Variants in KAT14 observed in about 807,000 individuals in gnomAD.
KAT14 encodes the protein lysine acetyltransferase 14.
KAT14 carries 66 observed loss-of-function variants against 78.4 expected under a neutral mutation model. The observed-to-expected ratio is 0.84, with a 90% CI of 0.69 to 1.03. The LOEUF (loss-of-function observed/expected upper bound fraction) is 1.03. KAT14 is among the 50% of genes least tolerant of loss of function. The pLI is 0.00. For synonymous variants in KAT14, 344 were observed against 359.4 expected, an observed-to-expected ratio of 0.96 and a Z score of 0.48; for missense variants, 870 against 972.5, an observed-to-expected ratio of 0.89 and a Z score of 1.40.
chr20:18,143,471 C>CT (rs530608535), intron 2 of KAT14, among the ~76,000 whole-genome samples: 8,501 of 143,712 alleles, frequency 0.059, 300 homozygotes, highest in Middle Eastern at 0.09. Context: ...TCTTTTCTTT[C>CT]TTTTTTTTTT....
chr20:18,142,095 G>T, intron 1 of KAT14, 113 bp from the exon 2 acceptor site: 1 of 1,097,806 alleles, frequency 9.1e-7, no homozygotes, highest in South Asian at 2.1e-5. Context: ...TGGGTATTTG[G>T]AATCTGAAAG....
At chr20:18,168,120 A>G (rs761205920) in intron 7 of KAT14, among the ~76,000 whole-genome samples, 23 of 152,228 alleles carry the variant, frequency 1.5e-4, no homozygotes, top group Admixed American at 3.9e-4. Flanking sequence ...CATTTAAATG[A>G]TAGCAGTCAT....
chr20:18,166,411 C>T (rs139282504), intron 7 of KAT14, among the ~76,000 whole-genome samples: 83 of 152,256 alleles, frequency 5.5e-4, no homozygotes, highest in Admixed American at 9.2e-4. Context: ...AAGGAAGGGG[C>T]GTAGACTGTG....
intron 4 of KAT14, among the ~76,000 whole-genome samples, chr20:18,154,129 C>T (rs1327586669): frequency 6.6e-6 from 1 of 152,174 alleles, no homozygotes. Flanking sequence ...TTGGAGAAGT[C>T]CCCTGAAACC....
chr20:18,153,792 C>T (rs1206695287), intron 4 of KAT14, among the ~76,000 whole-genome samples: 2 of 152,136 alleles, frequency 1.3e-5, no homozygotes, highest in Admixed American at 1.3e-4. Flanking sequence ...CTGAAAAATA[C>T]ATTAATTTTA....
At chr20:18,186,526 A>T (rs1296119514) in intron 10 of KAT14, among the ~76,000 whole-genome samples, 1 of 152,214 alleles carries the variant, frequency 6.6e-6, no homozygotes, top group Non-Finnish European at 1.5e-5. Flanking sequence ...ATGGGTTATA[A>T]ATCTCAAGGA....
At chr20:18,169,379 GCTTA>G (rs577763478) in intron 7 of KAT14, among the ~76,000 whole-genome samples, 5 of 152,240 alleles carry the variant, frequency 3.3e-5, no homozygotes, top group South Asian at 2.1e-4. Flanking sequence ...AGTAGTGTGT[GCTTA>G]CTTTCTGTCT....
intron 8 of KAT14, 144 bp from the exon 9 acceptor site, chr20:18,182,979 T>C: frequency 1.7e-6 from 2 of 1,195,570 alleles, no homozygotes; most frequent in South Asian, 3.4e-5. Context: ...AAAGTATAGC[T>C]GTAATCAAGC....
chr20:18,156,119 G>A (rs943928082), intron 4 of KAT14, among the ~76,000 whole-genome samples: 1 of 152,022 alleles, frequency 6.6e-6, no homozygotes, highest in African/African-American at 2.4e-5. Context: ...ATTATGCTGT[G>A]TGAAACAAAC....
chr20:18,161,281 T>G (rs903931647), intron 5 of KAT14, among the ~76,000 whole-genome samples: 5 of 151,678 alleles, frequency 3.3e-5, no homozygotes, highest in African/African-American at 1.2e-4. Context: ...AGCCACCACC[T>G]CCCAGGCTCA....
intron 7 of KAT14, among the ~76,000 whole-genome samples, chr20:18,180,084 G>T (rs1195004845): frequency 5.9e-5 from 9 of 152,056 alleles, no homozygotes; most frequent in Non-Finnish European, 1.0e-4. Context: ...GGCCAGGCTG[G>T]TCTTGAACTC....
Position 18,187,498 on chromosome 20 carries a change from A to T in KAT14, c.*39A>T. On this transcript the variant is annotated 3_prime_UTR_variant, in exon 11 of 11. Coordinates refer to ENST00000688188, the MANE Select transcript of KAT14 (RefSeq NM_001392073.1). Reference sequence around the variant, plus strand: ...CACAGAGAAACGCATGTGCTATTGGAGAACAGGTCTTTGTGGAGATCTAAA... The same window carrying T: ...CACAGAGAAACGCATGTGCTATTGGTGAACAGGTCTTTGTGGAGATCTAAA... The T allele has an allele frequency of 6.2e-7, 1 of 1,611,198 alleles. No individual in the cohort carries two copies. Among genetic ancestry groups the T allele is most frequent in the Non-Finnish European group, 8.5e-7 (1 of 1,179,234 alleles).
At chr20:18,166,117 A>AAAGG (rs1444283786) in intron 7 of KAT14, among the ~76,000 whole-genome samples, 45 of 152,348 alleles carry the variant, frequency 3.0e-4, no homozygotes, top group African/African-American at 1.0e-3. Context: ...GACAAAAGGT[A>AAAGG]TCTCAGCAAG....
chr20:18,170,554 A>G (rs2038808690), intron 7 of KAT14, among the ~76,000 whole-genome samples: 1 of 152,238 alleles, frequency 6.6e-6, no homozygotes, highest in Non-Finnish European at 1.5e-5. Context: ...TTCTTTTTTG[A>G]GACGGAGTCT....
chr20:18,151,496 C>CT (rs1003466463), intron 4 of KAT14, among the ~76,000 whole-genome samples: 1 of 150,658 alleles, frequency 6.6e-6, no homozygotes, highest in Admixed American at 6.6e-5. Flanking sequence ...TGCGCCTGGC[C>CT]TTATATTTTT....
chr20:18,138,336 G>A, intron 1 of KAT14: 14 of 1,116,262 alleles, frequency 1.3e-5, no homozygotes, highest in Non-Finnish European at 1.3e-5. Context: ...CTCCGCACAG[G>A]CACGGCACGC....
intron 7 of KAT14, among the ~76,000 whole-genome samples, chr20:18,177,869 C>T (rs1202649456): frequency 2.0e-5 from 3 of 152,086 alleles, no homozygotes; most frequent in Non-Finnish European, 2.9e-5. Context: ...AACATATTTC[C>T]AGTCCAGCTC....
In KAT14 at chr20:18,161,949, T is replaced by C; in HGVS notation, c.809T>C (p.Ile270Thr). The change falls in exon 6 of 11, where the codon ATT (isoleucine) becomes ACT (threonine). Residue 270 changes from isoleucine to threonine, a missense_variant. Physicochemically the swap from Ile to Thr is moderately conservative, Grantham distance 89. Coordinates refer to ENST00000688188, the MANE Select transcript of KAT14 (RefSeq NM_001392073.1). ...KRSRTQEAKD[I>T]RRAQKEAAGF... ...TCTCGAACTCAGGAAGCAAAAGACA[T>C]TAGAAGAGCCCAGAAGGAGGCCGCT... The C allele has an allele frequency of 6.2e-7, 1 of 1,614,216 alleles. No individual in the cohort carries two copies. The highest frequency in any genetic ancestry group is 8.5e-7 in the Non-Finnish European group (1 of 1,180,040).
intron 7 of KAT14, among the ~76,000 whole-genome samples, chr20:18,171,452 A>G (rs753859519): frequency 5.3e-5 from 8 of 152,254 alleles, no homozygotes; most frequent in Non-Finnish European, 1.0e-4. Context: ...AACTTAGTTG[A>G]TAAGTTAGTG....
Sources: allele counts gnomAD v4.1 joint callset (sites outside exome capture counted in the v4.1 genomes callset), GRCh38; gene constraint gnomAD v4.1.1; transcripts MANE v1.5; gene names NCBI Gene and HGNC (gene_info 2026-07-23, HGNC 2026-07-21).